Variants in CTNNA3 observed in about 807,000 individuals in gnomAD.
CTNNA3 encodes the protein catenin alpha-3.
Under a neutral mutation model 95.7 loss-of-function variants are expected in CTNNA3, and 76 were observed. The observed-to-expected ratio is 0.79, with a 90% CI of 0.66 to 0.96. The LOEUF (loss-of-function observed/expected upper bound fraction) is 0.96. Ranked by LOEUF, CTNNA3 falls within the 40% of genes least tolerant of loss-of-function variation. The pLI, the probability that CTNNA3 is intolerant of heterozygous loss-of-function variation, is 0.00. For missense variants in CTNNA3, 1,191 were observed against 1,089.8 expected (o/e 1.09, Z -1.31); for synonymous variants, 431 against 374.4 (o/e 1.15, Z -1.74).
rs1028386528 is a variant in CTNNA3, at chr10:67,066,476, C to T, written c.1047+113841G>A. Among the ~76,000 whole-genome samples, 3 of 150,948 alleles carry T rather than the reference C, an allele frequency of 2.0e-5. 1 individual carries two copies. The South Asian group carries it at 6.3e-4, about 32-fold the overall frequency. On this transcript the variant is annotated intron_variant, in intron 7 of 17. Coordinates refer to ENST00000433211, the MANE Select transcript of CTNNA3 (RefSeq NM_013266.4). ...AAAGTGCTAGAATTGTAGGTGTGAA[C>T]CACCGCACCTGGCCAAGTCCCTTGC...
At chr10:67,297,715 A>G (rs528673256) in intron 5 of CTNNA3, among the ~76,000 whole-genome samples, 1 of 152,302 alleles carries the variant, frequency 6.6e-6, no homozygotes, top group Non-Finnish European at 1.5e-5. Flanking sequence ...TGCTCTTAAT[A>G]TGCCACATCT....
At chr10:66,087,952 AT>A (rs1307235616) in intron 14 of CTNNA3, among the ~76,000 whole-genome samples, 1 of 152,104 alleles carries the variant, frequency 6.6e-6, no homozygotes, top group Non-Finnish European at 1.5e-5. Context: ...GGCTTTAATA[AT>A]GTATGCTTCA....
At chr10:66,152,609 G>A (rs541019111) in intron 13 of CTNNA3, among the ~76,000 whole-genome samples, 8 of 152,046 alleles carry the variant, frequency 5.3e-5, no homozygotes, top group Admixed American at 2.6e-4. Flanking sequence ...GAGAAAGAGT[G>A]TATAAGTTTT....
chr10:65,925,019 G>A (rs879736822), intron 17 of CTNNA3, among the ~76,000 whole-genome samples: 3 of 152,134 alleles, frequency 2.0e-5, no homozygotes, highest in Non-Finnish European at 4.4e-5. Context: ...GACACATGGG[G>A]ATTACTACAA....
chr10:66,146,803 C>T (rs535948770), intron 13 of CTNNA3, among the ~76,000 whole-genome samples: 237 of 152,228 alleles, frequency 1.6e-3, no homozygotes, highest in African/African-American at 5.4e-3. Flanking sequence ...GCAATTCACG[C>T]GCCTCAGCTT....
At chr10:66,134,614 C>G (rs372008783) in intron 13 of CTNNA3, among the ~76,000 whole-genome samples, 1 of 152,110 alleles carries the variant, frequency 6.6e-6, no homozygotes, top group African/African-American at 2.4e-5. Context: ...TGCTTTCAAA[C>G]AGAAACATAG....
At chr10:67,462,401 T>C (rs1053167103) in intron 5 of CTNNA3, among the ~76,000 whole-genome samples, 1 of 152,174 alleles carries the variant, frequency 6.6e-6, no homozygotes, top group Non-Finnish European at 1.5e-5. Context: ...CTCACAGTTA[T>C]CTGAATCTGT....
Position 67,517,477 on chromosome 10 carries a change from A to G in CTNNA3, c.579+4365T>C, listed in dbSNP as rs140925177. 6.5e-3 allele frequency among the ~76,000 whole-genome samples: 988 copies of G among 152,236 alleles called. 18 individuals are homozygous for G. Among genetic ancestry groups the G allele is most frequent in the African/African-American group, 0.022 (934 of 41,550 alleles). ...TATTATGTACCCTTCTGGCTTTGGA[A>G]TTACCTAAAAGGGGTCACACACCCA... is the stretch of plus-strand genomic sequence containing the variant. On this transcript the variant is annotated intron_variant, in intron 5 of 17. Transcript: ENST00000433211.
chr10:66,056,909 C>T (rs2133557118), intron 15 of CTNNA3, among the ~76,000 whole-genome samples: 1 of 152,160 alleles, frequency 6.6e-6, no homozygotes, highest in East Asian at 1.9e-4. Flanking sequence ...TAAACCACAG[C>T]TTATGTAGCA....
chr10:66,429,733 C>T (rs546453512), intron 11 of CTNNA3, among the ~76,000 whole-genome samples: 3 of 151,928 alleles, frequency 2.0e-5, no homozygotes, highest in Non-Finnish European at 2.9e-5. Flanking sequence ...CAATAAATTA[C>T]GTATTGATGG....
At chr10:66,476,943 G>T (rs10997162) in intron 11 of CTNNA3, among the ~76,000 whole-genome samples, 9,414 of 152,018 alleles carry the variant, frequency 0.062, 607 homozygotes, top group African/African-American at 0.16. Flanking sequence ...CCTTGTCACT[G>T]ACTATCAAAC....
chr10:67,481,975 A>C (rs1848250516), intron 5 of CTNNA3, among the ~76,000 whole-genome samples: 1 of 151,958 alleles, frequency 6.6e-6, no homozygotes, highest in Non-Finnish European at 1.5e-5. Context: ...ATGGCTAGCC[A>C]GTTTTCCCAG....
chr10:66,138,027 GA>G (rs962643103), intron 13 of CTNNA3, among the ~76,000 whole-genome samples: 3 of 150,526 alleles, frequency 2.0e-5, no homozygotes, highest in Non-Finnish European at 3.0e-5. Flanking sequence ...AAAAAACAAA[GA>G]AAATAAAATA....
chr10:67,561,623 G>C (rs1387571776), intron 3 of CTNNA3, among the ~76,000 whole-genome samples: 4 of 147,986 alleles, frequency 2.7e-5, no homozygotes, highest in Non-Finnish European at 1.5e-5. Context: ...CAGAAAGCAA[G>C]AAATAACTAA....
At chr10:66,384,647 A>G (rs938748320) in intron 11 of CTNNA3, among the ~76,000 whole-genome samples, 5 of 152,308 alleles carry the variant, frequency 3.3e-5, no homozygotes, top group Middle Eastern at 3.4e-3. Flanking sequence ...CATTATTTTC[A>G]TCACCACATC....
chr10:66,197,370 CT>C (rs1405948355), intron 13 of CTNNA3, among the ~76,000 whole-genome samples: 16 of 149,134 alleles, frequency 1.1e-4, no homozygotes, highest in African/African-American at 4.1e-4. Flanking sequence ...ATCTATCTAT[CT>C]ATCTATCTAT....
chr10:66,968,477 G>A (rs1447464823), intron 7 of CTNNA3, among the ~76,000 whole-genome samples: 1 of 151,434 alleles, frequency 6.6e-6, no homozygotes, highest in Non-Finnish European at 1.5e-5. Context: ...ACCACATTTA[G>A]GAAAGACAAA....
At chr10:67,363,427 C>T (rs920656902) in intron 5 of CTNNA3, among the ~76,000 whole-genome samples, 1 of 151,678 alleles carries the variant, frequency 6.6e-6, no homozygotes, top group African/African-American at 2.4e-5. Context: ...AATTCAAAAG[C>T]TAGCAGAAGG....
At chr10:66,613,499 A>C (rs1844402060) in intron 10 of CTNNA3, among the ~76,000 whole-genome samples, 1 of 152,024 alleles carries the variant, frequency 6.6e-6, no homozygotes, top group African/African-American at 2.4e-5. Flanking sequence ...CAGTGATAGG[A>C]CAAAGGCACA....
Sources: gnomAD v4.1 joint callset for allele counts (sites outside exome capture counted in the v4.1 genomes callset) on GRCh38, gnomAD v4.1.1 for gene constraint, MANE v1.5 for transcripts, NCBI Gene and HGNC (gene_info 2026-07-23, HGNC 2026-07-21) for gene names.